Variants in RAB9A observed in about 807,000 individuals in gnomAD.
RAB9A encodes the protein RAB9A, member RAS oncogene family.
In RAB9A, 1 loss-of-function variant was observed where a neutral mutation model predicts 10.3. That is an observed-to-expected ratio of 0.10 (90% CI 0.03 to 0.46). RAB9A has a LOEUF of 0.46. RAB9A is among the 20% of genes least tolerant of loss of function. The pLI, the probability that RAB9A is intolerant of heterozygous loss-of-function variation, is 0.96. For missense variants in RAB9A, 92 were observed against 150.3 expected, an observed-to-expected ratio of 0.61 and a Z score of 2.03; for synonymous variants, 39 against 55.2, an observed-to-expected ratio of 0.71 and a Z score of 1.30.
chrX:13,708,352 C>A (rs757187080), intron 2 of RAB9A, among the ~76,000 whole-genome samples: 1 of 107,707 alleles, frequency 9.3e-6, no homozygotes, highest in Non-Finnish European at 1.9e-5. Context: ...ACAACAACAA[C>A]AACAACATGC....
At chrX:13,707,716 G>A (rs1428014241) in intron 2 of RAB9A, among the ~76,000 whole-genome samples, 2 of 112,506 alleles carry the variant, frequency 1.8e-5, no homozygotes, top group Non-Finnish European at 3.7e-5. Context: ...TGTTCCTTAA[G>A]TGTTTGAACT....
At position 13,709,271 on chromosome X, in the gene RAB9A, C is replaced by T. The variant is rs879074548; in HGVS notation, c.525C>T (p.Thr175=). ...AAGCGGTTCGAAGAGTTCTTGCTAC[C>T]GAGGATAGGTCAGATCATTTGATTC... ...FEEAVRRVLA[T]EDRSDHLIQT... The change falls in exon 3 of 3, where the codon ACC becomes ACT. Residue 175 remains threonine, a synonymous_variant. Coordinates refer to ENST00000464506, the MANE Select transcript of RAB9A (RefSeq NM_004251.5). 3.3e-6 allele frequency: 4 copies of T among 1,209,484 alleles called. No individual in the cohort carries two copies. The highest frequency in any genetic ancestry group is 3.5e-5 in the South Asian group (2 of 56,774).
At chrX:13,704,615 TTTC>T (rs1254216530) in intron 2 of RAB9A, among the ~76,000 whole-genome samples, 11 of 92,223 alleles carry the variant, frequency 1.2e-4, no homozygotes, top group Admixed American at 1.0e-3. Flanking sequence ...GATTTCTTTC[TTTC>T]TTTTTTTTTT....
intron 2 of RAB9A, among the ~76,000 whole-genome samples, chrX:13,706,831 C>T (rs1362933786): frequency 8.9e-6 from 1 of 111,797 alleles, no homozygotes; most frequent in African/African-American, 3.3e-5. Context: ...AACAGTGGAG[C>T]ATGTGGCTAG....
rs372301765 is a variant in RAB9A at position 13,698,555 on chromosome X, C to CTT, written c.-115-5257_-115-5256dup. Among the ~76,000 whole-genome samples the CTT allele has an allele frequency of 3.6e-3, 397 of 111,317 alleles. 3 individuals are homozygous for CTT. Among genetic ancestry groups the CTT allele is most frequent in the African/African-American group, 0.012 (379 of 30,649 alleles). On this transcript the variant is annotated intron_variant, in intron 1 of 2. Coordinates refer to ENST00000464506, the MANE Select transcript of RAB9A (RefSeq NM_004251.5). Reference sequence around the variant, plus strand: ...GCCTATTCCTATGGTATTTCCTTTTCTTTCTTTTGCTTCTTCCTGCACACT... The same window carrying CTT: ...GCCTATTCCTATGGTATTTCCTTTTCTTTTTCTTTTGCTTCTTCCTGCACACT...
chrX:13,694,566 A>G (rs1056899911), intron 1 of RAB9A, among the ~76,000 whole-genome samples: 1 of 111,881 alleles, frequency 8.9e-6, no homozygotes. Context: ...ATGCAGTGCA[A>G]TCTAATTAAC....
At chrX:13,690,965 A>G (rs1164212040) in intron 1 of RAB9A, among the ~76,000 whole-genome samples, 1 of 110,767 alleles carries the variant, frequency 9.0e-6, no homozygotes, top group Non-Finnish European at 1.9e-5. Context: ...AGAGAGGACA[A>G]TTTTGTCCTC....
intron 2 of RAB9A, among the ~76,000 whole-genome samples, 187 bp downstream of exon 2, chrX:13,704,089 C>G (rs971310815): frequency 1.8e-5 from 2 of 111,871 alleles, no homozygotes; most frequent in Admixed American, 9.5e-5. Flanking sequence ...CTACCTTGAG[C>G]CTTAGCTTGA....
At chrX:13,701,738 C>T (rs189954185) in intron 1 of RAB9A, among the ~76,000 whole-genome samples, 23 of 111,105 alleles carry the variant, frequency 2.1e-4, no homozygotes, top group African/African-American at 6.2e-4. Context: ...TGCATCCACA[C>T]GGCTGACTAG....
intron 2 of RAB9A, among the ~76,000 whole-genome samples, chrX:13,708,035 A>T (rs1402840989): frequency 9.0e-6 from 1 of 111,482 alleles, no homozygotes; most frequent in Non-Finnish European, 1.9e-5. Context: ...TAAGAGAAAC[A>T]TGTGGGCTGG....
At chrX:13,702,528 G>A (rs2146752100) in intron 1 of RAB9A, among the ~76,000 whole-genome samples, 1 of 112,194 alleles carries the variant, frequency 8.9e-6, no homozygotes, top group Admixed American at 9.4e-5. Context: ...AGCTCAGCAA[G>A]TGAAATAGTT....
At chrX:13,705,826 C>T (rs2046194870) in intron 2 of RAB9A, among the ~76,000 whole-genome samples, 2 of 111,382 alleles carry the variant, frequency 1.8e-5, no homozygotes, top group East Asian at 2.8e-4. Context: ...GAAGGCACAG[C>T]GGTTCATTGG....
At chrX:13,706,394 ATTTGT>A (rs1202106986) in intron 2 of RAB9A, among the ~76,000 whole-genome samples, 1 of 110,678 alleles carries the variant, frequency 9.0e-6, no homozygotes. Flanking sequence ...TGTAGTATTA[ATTTGT>A]TTTGTTTTTT....
At chrX:13,691,659 CA>C (rs765886332) in intron 1 of RAB9A, among the ~76,000 whole-genome samples, 712 of 15,751 alleles carry the variant, frequency 0.045, 1 homozygote, top group East Asian at 0.13. Context: ...GACTCCATCT[CA>C]AAAAAAAAAA....
At chrX:13,696,244 C>A (rs775112805) in intron 1 of RAB9A, among the ~76,000 whole-genome samples, 219 of 75,453 alleles carry the variant, frequency 2.9e-3, no homozygotes, top group Non-Finnish European at 3.1e-3. Context: ...CTTGTCATTA[C>A]AAAAAAAAAA....
chrX:13,694,909 A>T (rs1280311944), intron 1 of RAB9A, among the ~76,000 whole-genome samples: 2 of 111,670 alleles, frequency 1.8e-5, no homozygotes, highest in Non-Finnish European at 3.8e-5. Flanking sequence ...GGAGGGACAG[A>T]CAGGAAAGAG....
At position 13,709,215 on chromosome X, in the gene RAB9A, G is replaced by T; in HGVS notation, c.469G>T (p.Asp157Tyr). 1 of 1,211,913 alleles carries T rather than the reference G, an allele frequency of 8.3e-7. No individual in the cohort carries two copies. Among genetic ancestry groups the T allele is most frequent in the Non-Finnish European group, 1.1e-6 (1 of 895,608 alleles). Residue 157 changes from aspartate to tyrosine, a missense_variant, in exon 3 of 3, where the codon GAT becomes TAT. Transcript: ENST00000464506. Reference sequence around the variant, plus strand: ...TCCTTATTTTGAAACAAGTGCAAAAGATGCCACAAATGTGGCAGCAGCCTT... The same window carrying T: ...TCCTTATTTTGAAACAAGTGCAAAATATGCCACAAATGTGGCAGCAGCCTT... The part of the protein sequence containing the change: ...DYPYFETSAK[D>Y]ATNVAAAFEE...
intron 1 of RAB9A, among the ~76,000 whole-genome samples, chrX:13,701,051 C>T (rs1003492797): frequency 5.3e-5 from 6 of 112,176 alleles, no homozygotes; most frequent in Non-Finnish European, 1.1e-4. Flanking sequence ...GGTTTACAGG[C>T]GTGAGCCATG....
chrX:13,707,971 G>A (rs1346309457), intron 2 of RAB9A, among the ~76,000 whole-genome samples: 1 of 111,162 alleles, frequency 9.0e-6, no homozygotes, highest in Non-Finnish European at 1.9e-5. Flanking sequence ...CCTGGTAGGA[G>A]AGAGGCCTTA....
Sources: allele counts gnomAD v4.1 joint callset (sites outside exome capture counted in the v4.1 genomes callset), GRCh38; gene constraint gnomAD v4.1.1; transcripts MANE v1.5; gene names NCBI Gene and HGNC (gene_info 2026-07-23, HGNC 2026-07-21).